The following XKR4 variants were observed in gnomAD, a reference collection of about 807,000 sequenced individuals.
XKR4 encodes XK-related protein 4.
XKR4 carries 12 observed loss-of-function variants against 53.9 expected under a neutral mutation model. That is an observed-to-expected ratio of 0.22 (90% CI 0.14 to 0.36). The LOEUF (loss-of-function observed/expected upper bound fraction) is 0.36, where lower values mean the gene tolerates loss of function less well. XKR4 is among the 10% of genes least tolerant of loss of function. XKR4 has a pLI of 1.00. For synonymous variants in XKR4, 354 were observed against 362.4 expected (o/e 0.98, Z 0.26); for missense variants, 799 against 859.5 (o/e 0.93, Z 0.88).
intron 1 of XKR4, among the ~76,000 whole-genome samples, chr8:55,307,527 A>T (rs1053168636): frequency 6.6e-6 from 1 of 152,066 alleles, no homozygotes; most frequent in African/African-American, 2.4e-5. Context: ...ATGGTGGCAC[A>T]TGTCTGGTCC....
intron 1 of XKR4, among the ~76,000 whole-genome samples, chr8:55,256,451 C>T (rs1818439746): frequency 6.6e-6 from 1 of 152,082 alleles, no homozygotes; most frequent in African/African-American, 2.4e-5. Flanking sequence ...AAACTGGAAA[C>T]CAAGGCATTG....
At chr8:55,240,343 C>A (rs7464993) in intron 1 of XKR4, among the ~76,000 whole-genome samples, 1 of 152,076 alleles carries the variant, frequency 6.6e-6, no homozygotes, top group Non-Finnish European at 1.5e-5. Context: ...TACTAAACAA[C>A]CTATATGTTC....
intron 1 of XKR4, among the ~76,000 whole-genome samples, chr8:55,312,632 C>T (rs891275227): frequency 3.3e-5 from 5 of 152,082 alleles, no homozygotes; most frequent in Admixed American, 2.6e-4. Flanking sequence ...GTTGGAATGT[C>T]GGTAGAACAA....
chr8:55,272,183 G>A (rs545654503), intron 1 of XKR4, among the ~76,000 whole-genome samples: 17 of 152,306 alleles, frequency 1.1e-4, no homozygotes, highest in Admixed American at 1.1e-3. Context: ...AACTACTGAA[G>A]TGGCTAGGGC....
intron 1 of XKR4, among the ~76,000 whole-genome samples, chr8:55,290,476 C>T (rs1819003821): frequency 1.3e-5 from 2 of 152,008 alleles, no homozygotes; most frequent in African/African-American, 4.8e-5. Context: ...AGGTTTGTTA[C>T]ATAGGTAAAT....
chr8:55,390,269 G>T (rs1804426447), intron 2 of XKR4, among the ~76,000 whole-genome samples: 1 of 152,282 alleles, frequency 6.6e-6, no homozygotes, highest in Admixed American at 6.5e-5. Context: ...AGGAAGTTAG[G>T]TTAATGGTAT....
At chr8:55,342,947 A>G (rs1803579418) in intron 1 of XKR4, among the ~76,000 whole-genome samples, 2 of 150,414 alleles carry the variant, frequency 1.3e-5, no homozygotes, top group South Asian at 4.2e-4. Context: ...GTAGGTGCTC[A>G]ACAAATACTT....
At chr8:55,307,948 C>T (rs1216175753) in intron 1 of XKR4, among the ~76,000 whole-genome samples, 1 of 152,090 alleles carries the variant, frequency 6.6e-6, no homozygotes. Context: ...TCCATTCTCA[C>T]ACTGCTATAA....
intron 1 of XKR4, among the ~76,000 whole-genome samples, chr8:55,200,424 A>C (rs1817565135): frequency 6.6e-6 from 1 of 152,238 alleles, no homozygotes. Flanking sequence ...GTAGCCAGAC[A>C]TGTGATTACA....
At chr8:55,252,502 C>A (rs1419172375) in intron 1 of XKR4, among the ~76,000 whole-genome samples, 1 of 152,132 alleles carries the variant, frequency 6.6e-6, no homozygotes, top group Non-Finnish European at 1.5e-5. Context: ...AGGAGGGCAA[C>A]CAACACAAGA....
At chr8:55,501,948 C>A (rs1246661699) in intron 2 of XKR4, among the ~76,000 whole-genome samples, 1 of 152,130 alleles carries the variant, frequency 6.6e-6, no homozygotes, top group African/African-American at 2.4e-5. Flanking sequence ...TTGCATATAA[C>A]CTATAGCACA....
intron 1 of XKR4, among the ~76,000 whole-genome samples, chr8:55,212,709 CTA>C (rs1396469709): frequency 6.6e-6 from 1 of 152,160 alleles, no homozygotes; most frequent in Non-Finnish European, 1.5e-5. Context: ...GAGGCTACTA[CTA>C]TGAGTGCTAT....
chr8:55,130,760 G>T (rs1181302906), intron 1 of XKR4, among the ~76,000 whole-genome samples: 1 of 151,974 alleles, frequency 6.6e-6, no homozygotes, highest in Non-Finnish European at 1.5e-5. Flanking sequence ...TGTGTGTGTG[G>T]ACATGACACA....
intron 2 of XKR4, among the ~76,000 whole-genome samples, chr8:55,396,610 C>G (rs1447480937): frequency 6.6e-6 from 1 of 151,992 alleles, no homozygotes; most frequent in Non-Finnish European, 1.5e-5. Flanking sequence ...GCCGGCATCT[C>G]TATCCTCTGT....
intron 1 of XKR4, among the ~76,000 whole-genome samples, chr8:55,264,759 A>G (rs1237816436): frequency 6.6e-6 from 1 of 152,236 alleles, no homozygotes; most frequent in Non-Finnish European, 1.5e-5. Flanking sequence ...CAATGCATCA[A>G]TATGGTCATT....
chr8:55,431,488 A>G (rs1805103823), intron 2 of XKR4, among the ~76,000 whole-genome samples: 1 of 152,224 alleles, frequency 6.6e-6, no homozygotes, highest in Non-Finnish European at 1.5e-5. Flanking sequence ...GTTTTTCCAA[A>G]AAAAAGAGAT....
chr8:55,158,091 CAACTGCTCTCCACAATGGCTGAACTCCT>C (rs1282949931), intron 1 of XKR4, among the ~76,000 whole-genome samples: 4 of 152,132 alleles, frequency 2.6e-5, no homozygotes, highest in African/African-American at 9.7e-5. Context: ...AGAAATCACC[CAACTGCTCTCCACAATGGCTGAACTCCT>C]CACTGGCAGT....
chr8:55,110,484 G>C (rs909011944), intron 1 of XKR4, among the ~76,000 whole-genome samples: 3 of 152,180 alleles, frequency 2.0e-5, no homozygotes, highest in African/African-American at 7.2e-5. Context: ...TGAAGGTGTA[G>C]CTAAACTTAC....
intron 1 of XKR4, among the ~76,000 whole-genome samples, chr8:55,240,479 A>G (rs1818196486): frequency 6.6e-6 from 1 of 152,236 alleles, no homozygotes; most frequent in Non-Finnish European, 1.5e-5. Context: ...TCTGAACCTG[A>G]CATGGCAGAG....
Sources: allele counts gnomAD v4.1 joint callset (sites outside exome capture counted in the v4.1 genomes callset), GRCh38; gene constraint gnomAD v4.1.1; transcripts MANE v1.5; gene names NCBI Gene and HGNC (gene_info 2026-07-23, HGNC 2026-07-21).